Variants in CAPN5 observed in about 807,000 individuals in gnomAD.
The protein encoded by CAPN5 is calpain-5.
In CAPN5, 54 loss-of-function variants were observed where a neutral mutation model predicts 73.0. That is an observed-to-expected ratio of 0.74 (90% CI 0.59 to 0.93). The LOEUF is 0.93. CAPN5 is among the 40% of genes least tolerant of loss of function. The pLI is 0.00. For missense variants in CAPN5, 785 were observed against 882.9 expected (o/e 0.89, Z 1.41); for synonymous variants, 335 against 356.9 (o/e 0.94, Z 0.69).
chr11:77,122,818 G>T, intron 12 of CAPN5, 106 bp downstream of exon 12: 2 of 1,433,876 alleles, frequency 1.4e-6, no homozygotes, highest in Non-Finnish European at 1.9e-6. Flanking sequence ...ACCCAGGCAT[G>T]CTGGGCTCTA....
intron 3 of CAPN5, among the ~76,000 whole-genome samples, chr11:77,095,408 C>T (rs891155990): frequency 2.6e-5 from 4 of 152,210 alleles, no homozygotes; most frequent in Admixed American, 2.0e-4. Flanking sequence ...CCCCCACCTC[C>T]CACTTTGCCC....
Position 77,098,209 on chromosome 11 carries a change from G to A in CAPN5, c.297+4396G>A, listed in dbSNP as rs1312794211. Among the ~76,000 whole-genome samples, 5 of 75,608 alleles carry A rather than the reference G, an allele frequency of 6.6e-5. 1 individual carries two copies. Among genetic ancestry groups the A allele is most frequent in the Admixed American group, 3.1e-4 (3 of 9,556 alleles). The allele number at this position is 75,608 out of a possible 152,430, so 49.6% of individuals were successfully genotyped here. A position where few individuals can be genotyped will look rare whatever the true frequency, so the allele number is the denominator to read the frequency against. On this transcript the variant is annotated intron_variant, in intron 3 of 12. Coordinates refer to ENST00000648180, the MANE Select transcript of CAPN5 (RefSeq NM_004055.5). Reference sequence around the variant, plus strand: ...GCGTCCCTCACCTCCCGGACGGGGCGGCTGGCCGGGCAGGGGGGCTGACCC... The same window carrying A: ...GCGTCCCTCACCTCCCGGACGGGGCAGCTGGCCGGGCAGGGGGGCTGACCC...
At chr11:77,069,510 G>C (rs1949880084) in intron 1 of CAPN5, among the ~76,000 whole-genome samples, 1 of 152,110 alleles carries the variant, frequency 6.6e-6, no homozygotes, top group Non-Finnish European at 1.5e-5. Context: ...TCCCCCAAAA[G>C]CTTCTAGCCC....
chr11:77,122,847 A>C, intron 12 of CAPN5, 135 bp downstream of exon 12: 2 of 1,143,890 alleles, frequency 1.7e-6, no homozygotes, highest in Non-Finnish European at 1.2e-6. Context: ...TCTATCCCTG[A>C]CCCCTGGTGT....
Position 77,122,721 on chromosome 11 carries a change from C to T in CAPN5, c.1740+9C>T, listed in dbSNP as rs1555043130. 3 of 1,612,872 alleles carry T rather than the reference C, an allele frequency of 1.9e-6. No individual in the cohort carries two copies. Among genetic ancestry groups the T allele is most frequent in the Admixed American group, 3.3e-5 (2 of 60,014 alleles). On this transcript the variant is annotated intron_variant, in intron 12 of 12. Transcript: ENST00000648180. ...AGCCCATCACTGTACAGGTGAGCCC[C>T]CTGGTCCAGAGGCCACCTCCTGGGC...
chr11:77,087,822 C>T lies in CAPN5; in HGVS notation c.165+2771C>T. The T allele has an allele frequency of 5.8e-6, 8 of 1,371,458 alleles. No individual in the cohort carries two copies. The South Asian group carries it at 1.1e-4, about 18-fold the overall frequency. The allele number at this position is 1,371,458 out of a possible 1,614,324, so 85.0% of individuals were successfully genotyped here. A position where few individuals can be genotyped will look rare whatever the true frequency, so the allele number is the denominator to read the frequency against. On this transcript the variant is annotated intron_variant, in intron 2 of 12. Coordinates refer to ENST00000648180, the MANE Select transcript of CAPN5 (RefSeq NM_004055.5). ...CCTAGAGCCACCTTGGTTGGGACATCCCATCTCCTATTGACTCTGCAGGTG... is the reference window on the plus strand; with the variant it reads ...CCTAGAGCCACCTTGGTTGGGACATTCCATCTCCTATTGACTCTGCAGGTG...
At chr11:77,121,910 C>T in intron 10 of CAPN5, 24 bp from the exon 11 acceptor site, 1 of 1,415,642 alleles carries the variant, frequency 7.1e-7, no homozygotes, top group Non-Finnish European at 9.6e-7. Context: ...CATCACTCCC[C>T]TCTCCCCTGC....
chr11:77,098,417 G>A (rs1425735480), intron 3 of CAPN5, among the ~76,000 whole-genome samples: 1 of 109,308 alleles, frequency 9.1e-6, no homozygotes, highest in Non-Finnish European at 1.9e-5. Context: ...GGCTGGCCGG[G>A]CAGAGGGGCT....
At chr11:77,088,075 T>G in intron 2 of CAPN5, 1 of 1,525,288 alleles carries the variant, frequency 6.6e-7, no homozygotes, top group Non-Finnish European at 8.8e-7. Flanking sequence ...GGCGGCCTCC[T>G]GTCACCCTGT....
At chr11:77,109,322 GT>G (rs1409843576) in intron 3 of CAPN5, among the ~76,000 whole-genome samples, 10 of 151,770 alleles carry the variant, frequency 6.6e-5, no homozygotes, top group African/African-American at 2.4e-4. Context: ...CTACTATTTG[GT>G]TACCATCTGG....
chr11:77,067,483 T>C (rs988256369), intron 1 of CAPN5, among the ~76,000 whole-genome samples: 1 of 152,012 alleles, frequency 6.6e-6, no homozygotes, highest in Admixed American at 6.5e-5. Context: ...CTTTCATCCC[T>C]GCAATCCACC....
chr11:77,084,738 A>G, intron 1 of CAPN5, 114 bp from the exon 2 acceptor site: 3 of 887,476 alleles, frequency 3.4e-6, no homozygotes, highest in Non-Finnish European at 5.3e-6. Flanking sequence ...GGTAGGCTCC[A>G]CGCCTCGCTG....
At chr11:77,071,352 A>G (rs944645503) in intron 1 of CAPN5, among the ~76,000 whole-genome samples, 2 of 152,146 alleles carry the variant, frequency 1.3e-5, no homozygotes, top group African/African-American at 4.8e-5. Flanking sequence ...GTGGTCCCCA[A>G]TGTCTGGACC....
intron 2 of CAPN5, among the ~76,000 whole-genome samples, chr11:77,091,138 C>A (rs1472314104): frequency 1.3e-5 from 2 of 152,216 alleles, no homozygotes; most frequent in Admixed American, 1.3e-4. Flanking sequence ...GCAGAGGGGA[C>A]AGCAGGGTCC....
chr11:77,121,301 G>A (rs1950518286), intron 10 of CAPN5, among the ~76,000 whole-genome samples: 1 of 152,240 alleles, frequency 6.6e-6, no homozygotes, highest in African/African-American at 2.4e-5. Flanking sequence ...TTCCAGGGTT[G>A]GGTCTTGTCA....
intron 1 of CAPN5, among the ~76,000 whole-genome samples, chr11:77,070,132 G>A (rs782731557): frequency 2.6e-5 from 4 of 152,194 alleles, no homozygotes; most frequent in Non-Finnish European, 5.9e-5. Context: ...TTGTTTGCAC[G>A]TGTGCTTCCA....
intron 1 of CAPN5, among the ~76,000 whole-genome samples, chr11:77,084,538 A>T (rs1268710115): frequency 6.6e-6 from 1 of 152,144 alleles, no homozygotes; most frequent in Non-Finnish European, 1.5e-5. Flanking sequence ...ATTCCGTCTG[A>T]GGAGGTGTAG....
chr11:77,111,477 A>G (rs1359885475), intron 3 of CAPN5, among the ~76,000 whole-genome samples: 1 of 152,132 alleles, frequency 6.6e-6, no homozygotes, highest in Non-Finnish European at 1.5e-5. Flanking sequence ...ATAGTCATCT[A>G]CTCAGAGGTT....
chr11:77,103,394 TC>T lies in CAPN5; in HGVS notation c.298-9189del, dbSNP rs1228406884. 6 of 1,532,412 alleles carry T rather than the reference TC, an allele frequency of 3.9e-6. No homozygotes were observed. The African/African-American group carries it at 6.9e-5, about 18-fold the overall frequency. The allele number at this position is 1,532,412 out of a possible 1,614,324, so 94.9% of individuals were successfully genotyped here. ...GTGCTCTCCCCTGCCCCTGCCACTTTCCCCCCTGTATTTTTGGGGCCATTAT... is the reference window on the plus strand; with the variant it reads ...GTGCTCTCCCCTGCCCCTGCCACTTTCCCCCTGTATTTTTGGGGCCATTAT... On this transcript the variant is annotated intron_variant, in intron 3 of 12. Coordinates refer to ENST00000648180, the MANE Select transcript of CAPN5 (RefSeq NM_004055.5).
Sources: allele counts gnomAD v4.1 joint callset (sites outside exome capture counted in the v4.1 genomes callset), GRCh38; gene constraint gnomAD v4.1.1; transcripts MANE v1.5; gene names NCBI Gene and HGNC (gene_info 2026-07-23, HGNC 2026-07-21).